The following ATP8A2 variants were observed in gnomAD, a reference collection of about 807,000 sequenced individuals.
ATP8A2 encodes phospholipid-transporting ATPase IB.
Under a neutral mutation model 165.6 loss-of-function variants are expected in ATP8A2, and 100 were observed. The ratio of observed to expected loss-of-function variants is 0.60; its 90% CI spans 0.51 to 0.71. The LOEUF (loss-of-function observed/expected upper bound fraction) is 0.71. Among genes scored for constraint, ATP8A2 ranks in the 30% least tolerant of loss-of-function variants. The probability of loss-of-function intolerance (pLI) is 0.00; values close to 1 mark genes in which losing one functional copy is unlikely to be tolerated. For missense variants in ATP8A2, 1,227 were observed against 1,479.5 expected (o/e 0.83, Z 2.80); for synonymous variants, 543 against 548.8 (o/e 0.99, Z 0.15).
chr13:25,608,927 A>G (rs4545660), intron 24 of ATP8A2, among the ~76,000 whole-genome samples: 2,632 of 152,292 alleles, frequency 0.017, 112 homozygotes, highest in East Asian at 0.093. Flanking sequence ...ACCTATACTT[A>G]CAAATCCAGT....
At chr13:25,520,698 TC>T (rs1157943487) in intron 2 of ATP8A2, among the ~76,000 whole-genome samples, 1 of 151,734 alleles carries the variant, frequency 6.6e-6, no homozygotes, top group Admixed American at 6.6e-5. Flanking sequence ...CTTCTCAGGT[TC>T]CACACCATTC....
chr13:25,587,310 C>T (rs1040323383), intron 23 of ATP8A2, among the ~76,000 whole-genome samples: 4 of 152,172 alleles, frequency 2.6e-5, no homozygotes, highest in South Asian at 4.1e-4. Context: ...AATCTCACTT[C>T]CGTATCCAAA....
intron 16 of ATP8A2, among the ~76,000 whole-genome samples, chr13:25,568,340 G>A (rs1022519465): frequency 2.6e-5 from 4 of 152,190 alleles, no homozygotes; most frequent in Admixed American, 2.0e-4. Context: ...GAGTCTTCAA[G>A]AAGAAATCAC....
intron 34 of ATP8A2, among the ~76,000 whole-genome samples, chr13:25,964,926 G>A (rs557301364): frequency 3.3e-5 from 5 of 152,328 alleles, no homozygotes; most frequent in African/African-American, 9.6e-5. Context: ...TTGGGAGGCC[G>A]AGGTGGGCGG....
At chr13:25,486,032 G>T (rs1005991719) in intron 2 of ATP8A2, among the ~76,000 whole-genome samples, 2 of 152,150 alleles carry the variant, frequency 1.3e-5, no homozygotes, top group Non-Finnish European at 2.9e-5. Flanking sequence ...TAGTATGTAC[G>T]AACTCTGAGG....
At chr13:25,720,988 C>T (rs1018368703) in intron 25 of ATP8A2, among the ~76,000 whole-genome samples, 3 of 143,224 alleles carry the variant, frequency 2.1e-5, no homozygotes, top group African/African-American at 8.0e-5. Context: ...TTTCCTGACA[C>T]AGAGTCTTAC....
intron 33 of ATP8A2, among the ~76,000 whole-genome samples, chr13:25,891,704 T>C (rs1284192765): frequency 6.6e-6 from 1 of 152,088 alleles, no homozygotes; most frequent in Non-Finnish European, 1.5e-5. Flanking sequence ...GTGAGGTGGG[T>C]TCTGACTGAT....
intron 33 of ATP8A2, among the ~76,000 whole-genome samples, chr13:25,938,248 A>G (rs557070667): frequency 6.6e-6 from 1 of 152,312 alleles, no homozygotes; most frequent in African/African-American, 2.4e-5. Flanking sequence ...GAGGTTAAAC[A>G]TAGAAAATAC....
At chr13:25,559,903 C>T in intron 15 of ATP8A2, 138 bp downstream of exon 15, 1 of 635,416 alleles carries the variant, frequency 1.6e-6, no homozygotes. Flanking sequence ...TCATAGCTCA[C>T]TGTAGTCACG....
At position 25,541,946 on chromosome 13, in the gene ATP8A2, A is replaced by T. The variant is rs766862817; in HGVS notation, c.679A>T (p.Thr227Ser). The T allele has an allele frequency of 6.2e-7, 1 of 1,613,994 alleles. No individual in the cohort carries two copies. The highest frequency in any genetic ancestry group is 1.3e-5 in the African/African-American group (1 of 74,906). ...QGLSHTADMQ[T>S]REVLMKLSGT... is the part of the protein sequence containing the mutation. ...TTTGAGTCACACTGCTGACATGCAAACACGTGAAGTTCTGATGAAGTTATC... is the reference window on the plus strand; with the variant it reads ...TTTGAGTCACACTGCTGACATGCAATCACGTGAAGTTCTGATGAAGTTATC... Residue 227 changes from threonine (T) to serine (S), a missense_variant, in exon 9 of 37, where the codon ACA becomes TCA. Transcript: ENST00000381655.
intron 2 of ATP8A2, among the ~76,000 whole-genome samples, chr13:25,478,010 T>G (rs1333768122): frequency 6.6e-6 from 1 of 152,218 alleles, no homozygotes; most frequent in Non-Finnish European, 1.5e-5. Context: ...AGAATAGGAA[T>G]GAAATGCTAA....
intron 33 of ATP8A2, among the ~76,000 whole-genome samples, chr13:25,936,460 C>T (rs923044177): frequency 6.6e-6 from 1 of 152,202 alleles, no homozygotes; most frequent in African/African-American, 2.4e-5. Context: ...GCCTGCGTAT[C>T]AGGACGCAAA....
At chr13:25,826,670 T>C (rs898017705) in intron 27 of ATP8A2, among the ~76,000 whole-genome samples, 1 of 152,254 alleles carries the variant, frequency 6.6e-6, no homozygotes, top group Non-Finnish European at 1.5e-5. Flanking sequence ...TCTGTGATGA[T>C]GTGACACAGA....
At chr13:25,590,844 A>C (rs1272025906) in intron 24 of ATP8A2, among the ~76,000 whole-genome samples, 1 of 152,076 alleles carries the variant, frequency 6.6e-6, no homozygotes, top group African/African-American at 2.4e-5. Flanking sequence ...CCTTCATGAG[A>C]CCAAGGGCAG....
intron 1 of ATP8A2, among the ~76,000 whole-genome samples, chr13:25,442,109 G>A (rs943346353): frequency 6.6e-5 from 10 of 152,244 alleles, no homozygotes; most frequent in Admixed American, 5.2e-4. Context: ...TGTATGTATA[G>A]ACCACATTTT....
At chr13:25,517,991 C>T (rs1197031717) in intron 2 of ATP8A2, among the ~76,000 whole-genome samples, 1 of 152,104 alleles carries the variant, frequency 6.6e-6, no homozygotes, top group Non-Finnish European at 1.5e-5. Flanking sequence ...GAATTGATGC[C>T]AGATGTGGAA....
chr13:25,777,690 A>G (rs1418776970), intron 27 of ATP8A2, among the ~76,000 whole-genome samples: 2 of 152,242 alleles, frequency 1.3e-5, no homozygotes, highest in Non-Finnish European at 2.9e-5. Context: ...ATGCACACAC[A>G]CATTTTATGG....
intron 32 of ATP8A2, among the ~76,000 whole-genome samples, chr13:25,861,066 C>G (rs1952336525): frequency 6.6e-6 from 1 of 152,110 alleles, no homozygotes. Context: ...TAATACAGCT[C>G]TAAGCTATTA....
intron 33 of ATP8A2, among the ~76,000 whole-genome samples, chr13:25,863,882 GT>G (rs984591182): frequency 1.3e-5 from 2 of 152,230 alleles, no homozygotes; most frequent in South Asian, 2.1e-4. Context: ...ATGCTTTTCA[GT>G]TTTTTTCCAA....
Sources: allele counts gnomAD v4.1 joint callset (sites outside exome capture counted in the v4.1 genomes callset), GRCh38; gene constraint gnomAD v4.1.1; transcripts MANE v1.5; gene names NCBI Gene and HGNC (gene_info 2026-07-23, HGNC 2026-07-21).